DLGAP2: variants seen among roughly 807,000 people sequenced by gnomAD.
DLGAP2 encodes the protein DLG associated protein 2.
Under a neutral mutation model 100.3 loss-of-function variants are expected in DLGAP2, and 26 were observed. The ratio of observed to expected loss-of-function variants is 0.26; its 90% CI spans 0.19 to 0.36. The LOEUF (loss-of-function observed/expected upper bound fraction) is 0.36. Ranked by LOEUF, DLGAP2 falls within the 10% of genes least tolerant of loss-of-function variation. The pLI, the probability that DLGAP2 is intolerant of heterozygous loss-of-function variation, is 1.00. For missense variants in DLGAP2, 1,858 were observed against 1,453.2 expected (o/e 1.28, Z -4.53); for synonymous variants, 886 against 630.1 (o/e 1.41, Z -6.08).
At chr8:1,140,477 C>T (rs1796502567) in intron 2 of DLGAP2, among the ~76,000 whole-genome samples, 1 of 152,130 alleles carries the variant, frequency 6.6e-6, no homozygotes, top group Admixed American at 6.5e-5. Flanking sequence ...TTCGGAGGCC[C>T]CTGGGTCCCA....
intron 4 of DLGAP2, among the ~76,000 whole-genome samples, chr8:1,535,298 G>T (rs183476082): frequency 3.3e-4 from 50 of 152,340 alleles, no homozygotes; most frequent in African/African-American, 1.1e-3. Context: ...GTTGCTGTGA[G>T]CCCACTGACA....
At chr8:900,827 G>C (rs1242837111) in intron 1 of DLGAP2, among the ~76,000 whole-genome samples, 1 of 152,198 alleles carries the variant, frequency 6.6e-6, no homozygotes, top group East Asian at 1.9e-4. Flanking sequence ...CAAAAACACA[G>C]AGAAACAGAA....
chr8:1,327,898 T>G (rs1419122751), intron 3 of DLGAP2, among the ~76,000 whole-genome samples: 1 of 152,156 alleles, frequency 6.6e-6, no homozygotes, highest in African/African-American at 2.4e-5. Context: ...TCTCCACTTT[T>G]TCATTAATTC....
At chr8:1,259,357 C>A (rs550799114) in intron 3 of DLGAP2, among the ~76,000 whole-genome samples, 1 of 152,316 alleles carries the variant, frequency 6.6e-6, no homozygotes, top group South Asian at 2.1e-4. Flanking sequence ...CTACGCAAGT[C>A]TCCTGTGTTT....
chr8:1,076,935 T>C (rs1436480861), intron 2 of DLGAP2, among the ~76,000 whole-genome samples: 1 of 117,234 alleles, frequency 8.5e-6, no homozygotes, highest in African/African-American at 3.4e-5. Flanking sequence ...GGAGGAGGAG[T>C]CTGTCCCGGG....
At chr8:1,174,231 G>A (rs1184282210) in intron 2 of DLGAP2, among the ~76,000 whole-genome samples, 1 of 151,990 alleles carries the variant, frequency 6.6e-6, no homozygotes, top group African/African-American at 2.4e-5. Flanking sequence ...CTATTCTGCA[G>A]GGAATGTGAT....
intron 3 of DLGAP2, among the ~76,000 whole-genome samples, chr8:1,476,751 C>T (rs1798941787): frequency 6.6e-6 from 1 of 151,042 alleles, no homozygotes; most frequent in Non-Finnish European, 1.5e-5. Flanking sequence ...GCAGACCCAC[C>T]CTTGATGGCC....
At chr8:831,178 A>G (rs567111442) in intron 1 of DLGAP2, among the ~76,000 whole-genome samples, 4 of 149,690 alleles carry the variant, frequency 2.7e-5, no homozygotes, top group African/African-American at 2.5e-5. Context: ...GATTACAAGC[A>G]TGAGTCACCA....
intron 2 of DLGAP2, among the ~76,000 whole-genome samples, chr8:1,198,535 G>A (rs776279698): frequency 1.4e-4 from 21 of 152,122 alleles, no homozygotes; most frequent in Non-Finnish European, 2.8e-4. Context: ...AAGGGGCTGC[G>A]AGGAGGGCAC....
chr8:1,675,548 A>G (rs1002926743), intron 10 of DLGAP2, among the ~76,000 whole-genome samples: 16 of 152,348 alleles, frequency 1.1e-4, no homozygotes, highest in Non-Finnish European at 1.5e-4. Flanking sequence ...ATAGTCACAA[A>G]GGGCAACTCA....
intron 2 of DLGAP2, among the ~76,000 whole-genome samples, chr8:1,130,027 C>T (rs372308971): frequency 9.4e-4 from 143 of 152,250 alleles, no homozygotes; most frequent in African/African-American, 3.3e-3. Context: ...TAGCTCACGT[C>T]GGGCACTTCA....
At chr8:1,226,097 G>A (rs976157579) in intron 2 of DLGAP2, among the ~76,000 whole-genome samples, 2 of 152,046 alleles carry the variant, frequency 1.3e-5, no homozygotes, top group Non-Finnish European at 2.9e-5. Context: ...AATTTATAAA[G>A]AACTTATATA....
chr8:1,196,281 A>G (rs1032161730), intron 2 of DLGAP2, among the ~76,000 whole-genome samples: 64 of 152,218 alleles, frequency 4.2e-4, no homozygotes, highest in African/African-American at 1.4e-3. Context: ...AGAGTAAAGC[A>G]TTTGTGTCCA....
chr8:832,587 C>G (rs1050974961), intron 1 of DLGAP2, among the ~76,000 whole-genome samples: 3 of 152,204 alleles, frequency 2.0e-5, no homozygotes, highest in African/African-American at 4.8e-5. Flanking sequence ...GTCAGATTAT[C>G]TTTGTATTTT....
chr8:1,495,975 CTG>C (rs1799534458), intron 3 of DLGAP2, among the ~76,000 whole-genome samples: 1 of 152,146 alleles, frequency 6.6e-6, no homozygotes, highest in South Asian at 2.1e-4. Context: ...TGAAACAAGA[CTG>C]TGAGTATTCC....
In DLGAP2 at chr8:1,526,395, A is replaced by G. The variant is rs1563201907; in HGVS notation, c.173-22231A>G. ...TTGGGGGCTCAGAGGGTGGGAATGC[A>G]TGTGGGTCCAAGGGCAGTCAGTGGT... is the stretch of plus-strand genomic sequence containing the variant. On this transcript the variant is annotated intron_variant, in intron 4 of 14. Transcript: ENST00000637795. 2.0e-5 allele frequency among the ~76,000 whole-genome samples: 3 copies of G among 152,078 alleles called. 1 individual carries two copies. Among genetic ancestry groups the G allele is most frequent in the Admixed American group, 2.0e-4 (3 of 15,274 alleles).
At chr8:829,369 C>T (rs912560909) in intron 1 of DLGAP2, among the ~76,000 whole-genome samples, 2 of 152,170 alleles carry the variant, frequency 1.3e-5, no homozygotes, top group African/African-American at 4.8e-5. Flanking sequence ...ACAAATGCCC[C>T]GAGGTCTCTC....
intron 2 of DLGAP2, among the ~76,000 whole-genome samples, chr8:1,127,345 C>T (rs999911695): frequency 3.9e-5 from 6 of 152,068 alleles, no homozygotes; most frequent in Admixed American, 3.3e-4. Flanking sequence ...ATGGAACGGG[C>T]AGGCTGAGAG....
intron 2 of DLGAP2, among the ~76,000 whole-genome samples, chr8:970,031 C>G (rs1398270415): frequency 6.6e-6 from 1 of 152,140 alleles, no homozygotes; most frequent in African/African-American, 2.4e-5. Flanking sequence ...AAAAATTGTT[C>G]ACACCATTGA....
Sources: gnomAD v4.1 joint callset for allele counts (sites outside exome capture counted in the v4.1 genomes callset) on GRCh38, gnomAD v4.1.1 for gene constraint, MANE v1.5 for transcripts, NCBI Gene and HGNC (gene_info 2026-07-23, HGNC 2026-07-21) for gene names.